The following ADAMTS17 variants were observed in gnomAD, a reference collection of about 807,000 sequenced individuals.
ADAMTS17 encodes the protein A disintegrin and metalloproteinase with thrombospondin motifs 17.
A neutral mutation model predicts 141.5 loss-of-function variants in ADAMTS17; 113 were observed. The ratio of observed to expected loss-of-function variants is 0.80; its 90% confidence interval spans 0.69 to 0.93. The LOEUF is 0.93. Ranked by LOEUF, ADAMTS17 falls within the 40% of genes least tolerant of loss-of-function variation. The pLI is 0.00. For synonymous variants in ADAMTS17, 768 were observed against 630.6 expected (o/e 1.22, Z -3.27); for missense variants, 1,659 against 1,517.9 (o/e 1.09, Z -1.54).
At chr15:100,018,543 T>C (rs1176516100) in intron 18 of ADAMTS17, among the ~76,000 whole-genome samples, 2 of 152,198 alleles carry the variant, frequency 1.3e-5, no homozygotes, top group Non-Finnish European at 2.9e-5. Context: ...CTCCCACTTC[T>C]CTCTCTTCCT....
chr15:100,249,555 C>T (rs1176840604), intron 7 of ADAMTS17, among the ~76,000 whole-genome samples: 1 of 152,176 alleles, frequency 6.6e-6, no homozygotes, highest in Non-Finnish European at 1.5e-5. Flanking sequence ...GGCACATGGA[C>T]CAGACAGGCC....
chr15:100,102,703 C>T (rs915788020), intron 14 of ADAMTS17, among the ~76,000 whole-genome samples: 3 of 152,154 alleles, frequency 2.0e-5, no homozygotes, highest in African/African-American at 4.8e-5. Context: ...CCTCTAACCC[C>T]AACGCAGAAG....
At chr15:100,046,730 T>G (rs4965562) in intron 18 of ADAMTS17, among the ~76,000 whole-genome samples, 50,169 of 152,102 alleles carry the variant, frequency 0.33, 9,384 homozygotes, top group East Asian at 0.49. Flanking sequence ...TGATTTCCTA[T>G]GCCTGTCTTT....
At chr15:99,994,903 A>C (rs905067470) in intron 19 of ADAMTS17, among the ~76,000 whole-genome samples, 1 of 152,212 alleles carries the variant, frequency 6.6e-6, no homozygotes, top group Non-Finnish European at 1.5e-5. Context: ...TTGTCTAAAG[A>C]TCCCATGGGG....
At chr15:100,298,914 T>G (rs8037995) in intron 3 of ADAMTS17, among the ~76,000 whole-genome samples, 69,384 of 151,966 alleles carry the variant, frequency 0.46, 16,278 homozygotes, top group African/African-American at 0.55. Context: ...AAAGAGTCAG[T>G]GGGGTTGGTT....
chr15:100,098,801 T>G (rs187787605), intron 14 of ADAMTS17, among the ~76,000 whole-genome samples: 1 of 152,214 alleles, frequency 6.6e-6, no homozygotes, highest in African/African-American at 2.4e-5. Flanking sequence ...AGAGCTCCAG[T>G]GCATGGTCTC....
At chr15:99,984,941 C>T (rs941991888) in intron 20 of ADAMTS17, among the ~76,000 whole-genome samples, 8 of 152,230 alleles carry the variant, frequency 5.3e-5, no homozygotes, top group African/African-American at 7.2e-5. Context: ...AATGGAGGGA[C>T]GGCAGGGGAC....
chr15:100,227,811 C>A (rs912897016), intron 7 of ADAMTS17, among the ~76,000 whole-genome samples: 1 of 152,208 alleles, frequency 6.6e-6, no homozygotes, highest in Non-Finnish European at 1.5e-5. Context: ...CTGTCGTGAC[C>A]GGCTTCATCA....
intron 8 of ADAMTS17, among the ~76,000 whole-genome samples, chr15:100,160,656 G>A (rs553416503): frequency 6.6e-6 from 1 of 152,324 alleles, no homozygotes; most frequent in South Asian, 2.1e-4. Context: ...GCCAACCGAA[G>A]CACACCACGT....
intron 11 of ADAMTS17, among the ~76,000 whole-genome samples, chr15:100,132,497 C>T (rs942064488): frequency 4.6e-5 from 7 of 152,134 alleles, no homozygotes; most frequent in African/African-American, 1.2e-4. Flanking sequence ...CGCTGGGAGG[C>T]GGCATGCCCC....
At chr15:99,982,032 C>A (rs1233473623) in intron 20 of ADAMTS17, among the ~76,000 whole-genome samples, 1 of 152,220 alleles carries the variant, frequency 6.6e-6, no homozygotes, top group Admixed American at 6.5e-5. Context: ...AGCTGTGTGA[C>A]CTCAGGCAAA....
intron 8 of ADAMTS17, 44 bp from the exon 9 acceptor site, chr15:100,155,364 C>A: frequency 6.3e-7 from 1 of 1,598,182 alleles, no homozygotes; most frequent in South Asian, 1.1e-5. Context: ...CTACAAGCTT[C>A]TCATTTCCAG....
intron 8 of ADAMTS17, among the ~76,000 whole-genome samples, chr15:100,188,266 G>A (rs1045134191): frequency 2.6e-5 from 4 of 151,834 alleles, no homozygotes; most frequent in African/African-American, 7.3e-5. Flanking sequence ...TAGTAGAGAC[G>A]GGGTTTCTCC....
rs1052897423 is a variant in ADAMTS17 at position 100,308,805 on chromosome 15, C to T, written c.616+22084G>A. On this transcript the variant is annotated intron_variant, in intron 3 of 21. Coordinates refer to ENST00000268070, the MANE Select transcript of ADAMTS17 (RefSeq NM_139057.4). Reference sequence around the variant, plus strand: ...CAGCAGGAAAGGCCACCCCAGGGGACACAGAGGGACACAACTCATGCACAA... The same window carrying T: ...CAGCAGGAAAGGCCACCCCAGGGGATACAGAGGGACACAACTCATGCACAA... Among the ~76,000 whole-genome samples, 10 of 152,096 alleles carry T rather than the reference C, an allele frequency of 6.6e-5. No homozygotes were observed. In the South Asian group the frequency reaches 1.0e-3, roughly 16 times the overall value.
intron 18 of ADAMTS17, among the ~76,000 whole-genome samples, chr15:100,043,214 G>C (rs2031404334): frequency 1.3e-5 from 2 of 152,140 alleles, no homozygotes; most frequent in African/African-American, 4.8e-5. Context: ...CCAGGCACTT[G>C]CTGTCTACAG....
At position 100,086,314 on chromosome 15, in the gene ADAMTS17, G is replaced by A. The variant is rs566769902; in HGVS notation, c.2137+10042C>T. 2.0e-5 allele frequency among the ~76,000 whole-genome samples: 3 copies of A among 151,220 alleles called. No homozygotes were observed. The East Asian group carries it at 5.8e-4, about 29-fold the overall frequency. ...AGAGCTAACTATCCTAAATATATAT[G>A]CACCCAATACAGGAGCACCCAGATT... is the stretch of plus-strand genomic sequence containing the variant. On this transcript the variant is annotated intron_variant, in intron 15 of 21. Transcript: ENST00000268070.
At chr15:100,200,150 G>T (rs1422080636) in intron 7 of ADAMTS17, among the ~76,000 whole-genome samples, 2 of 152,176 alleles carry the variant, frequency 1.3e-5, no homozygotes, top group Admixed American at 6.5e-5. Flanking sequence ...CGCACCTAAG[G>T]ATCTCACCCT....
Position 99,993,704 on chromosome 15 carries a change from G to A in ADAMTS17, c.2797-504C>T, listed in dbSNP as rs1355872391. On this transcript the variant is annotated intron_variant, in intron 19 of 21. Transcript: ENST00000268070. This position sits in a 1 kb window ranked among gnomAD's most constrained non-coding sequence, Gnocchi z 4.3. ...ATCCAGCCGGGAGAAGGAGGAGGAG[G>A]CGGCAGAAGGAAGGAAAAGCCACAG... Among the ~76,000 whole-genome samples the A allele has an allele frequency of 1.3e-5, 2 of 152,220 alleles. No homozygotes were observed. The highest frequency in any genetic ancestry group is 1.3e-4 in the Admixed American group (2 of 15,284).
At chr15:100,096,207 G>T in intron 15 of ADAMTS17, 149 bp downstream of exon 15, 2 of 1,392,402 alleles carry the variant, frequency 1.4e-6, no homozygotes, top group South Asian at 1.2e-5. Flanking sequence ...GTCCTTTCTT[G>T]CTTTTCAGAA....
Sources: gnomAD v4.1 joint callset for allele counts (sites outside exome capture counted in the v4.1 genomes callset) on GRCh38, gnomAD v4.1.1 for gene constraint, Gnocchi (gnomAD v3.1) non-coding constraint, MANE v1.5 for transcripts, NCBI Gene and HGNC (gene_info 2026-07-23, HGNC 2026-07-21) for gene names.